EPG5: variants seen among roughly 807,000 people sequenced by gnomAD.
The protein encoded by EPG5 is ectopic P-granules 5 autophagy tethering factor, also known as ectopic P granules protein 5 homolog.
A neutral mutation model predicts 302.7 loss-of-function variants in EPG5; 159 were observed. The observed-to-expected ratio is 0.53, with a 90% CI of 0.46 to 0.60. EPG5 has a LOEUF of 0.60. EPG5 is among the 20% of genes least tolerant of loss of function. The pLI is 0.00. For synonymous variants in EPG5, 1,158 were observed against 1,136.8 expected, an observed-to-expected ratio of 1.02 and a Z score of -0.37; for missense variants, 2,896 against 3,092.4, an observed-to-expected ratio of 0.94 and a Z score of 1.51.
At chr18:45,934,737 A>T in intron 11 of EPG5, 72 bp downstream of exon 11, 1 of 1,498,562 alleles carries the variant, frequency 6.7e-7, no homozygotes, top group Non-Finnish European at 8.9e-7. Flanking sequence ...TTCTAAAAGT[A>T]AAAATTAAGC....
chr18:45,820,885 T>C, the EPG5 span, among the ~76,000 whole-genome samples: 1 of 152,168 alleles, frequency 6.6e-6, no homozygotes, highest in African/African-American at 2.4e-5. Flanking sequence ...AGAATTTGTT[T>C]GGGAAAGACT....
chr18:45,878,536 T>C, intron 33 of EPG5, 88 bp from the exon 34 acceptor site: 5 of 809,984 alleles, frequency 6.2e-6, no homozygotes, highest in Non-Finnish European at 1.0e-5. Flanking sequence ...CTACCTCTTA[T>C]TATCTGTAGC....
intron 31 of EPG5, among the ~76,000 whole-genome samples, chr18:45,881,951 G>A (rs939933206): frequency 5.3e-5 from 8 of 152,204 alleles, no homozygotes; most frequent in African/African-American, 1.7e-4. Flanking sequence ...CGTCTGCAGA[G>A]TAAGCCAGTC....
At chr18:45,867,908 T>C (rs1029069991) in intron 36 of EPG5, 160 bp from the exon 37 acceptor site, 1 of 699,746 alleles carries the variant, frequency 1.4e-6, no homozygotes, top group South Asian at 1.5e-5. Flanking sequence ...TTAATATTTG[T>C]AATATCTTTC....
At chr18:45,826,937 CAG>C in the EPG5 span, among the ~76,000 whole-genome samples, 1 of 152,176 alleles carries the variant, frequency 6.6e-6, no homozygotes, top group Admixed American at 6.5e-5. Flanking sequence ...TCTTTGGAGA[CAG>C]AGTCCCACTC....
intron 10 of EPG5, among the ~76,000 whole-genome samples, chr18:45,938,984 C>T (rs924646503): frequency 2.6e-5 from 4 of 152,154 alleles, no homozygotes; most frequent in Non-Finnish European, 4.4e-5. Flanking sequence ...CATCTCCTAG[C>T]GGAGGGCATA....
chr18:45,826,279 T>C, the EPG5 span, among the ~76,000 whole-genome samples: 3 of 152,044 alleles, frequency 2.0e-5, no homozygotes, highest in Non-Finnish European at 4.4e-5. Flanking sequence ...GGAATCCCAG[T>C]GGGTGAGTGG....
intron 16 of EPG5, among the ~76,000 whole-genome samples, chr18:45,920,990 C>G (rs1415336780): frequency 6.6e-6 from 1 of 152,174 alleles, no homozygotes; most frequent in Non-Finnish European, 1.5e-5. Context: ...GCCCCCAGCC[C>G]ACTTAGGCCA....
rs747155722 is a variant in EPG5, at chr18:45,908,068, A to G, written c.4219T>C (p.Tyr1407His). Residue 1407 changes from tyrosine (Y) to histidine (H), a missense_variant, in exon 24 of 44, where the codon TAT (tyrosine) becomes CAT (histidine). This residue lies in a region of EPG5 where 790 missense variants were observed against 798.0 expected (regional missense o/e 0.99). Transcript: ENST00000282041. ...TTCTCATCTTCTAGCCATAATATAT[A>G]TACATTGAAGAGCCTAAAAGATAAA... ...HKELVRLFNV[Y>H]ILWLEDENFQ... The G allele has an allele frequency of 3.3e-6, 5 of 1,533,806 alleles. No individual in the cohort carries two copies. The highest frequency in any genetic ancestry group is 1.7e-4 in the Middle Eastern group (1 of 5,794).
At chr18:45,877,398 A>G (rs918309940) in intron 34 of EPG5, among the ~76,000 whole-genome samples, 3 of 152,134 alleles carry the variant, frequency 2.0e-5, no homozygotes, top group Admixed American at 6.5e-5. Context: ...CAGCCTGAGC[A>G]ACAGAGTGAG....
At chr18:45,887,468 G>A (rs1250464447) in intron 29 of EPG5, among the ~76,000 whole-genome samples, 1 of 152,150 alleles carries the variant, frequency 6.6e-6, no homozygotes, top group Non-Finnish European at 1.5e-5. Flanking sequence ...AAACAATGAA[G>A]AGATTTAGTA....
chr18:45,868,619 T>C (rs1383544932), intron 36 of EPG5, among the ~76,000 whole-genome samples: 1 of 151,740 alleles, frequency 6.6e-6, no homozygotes, highest in East Asian at 2.0e-4. Context: ...TCTGTCCACC[T>C]CAGCCTCCCA....
chr18:45,860,459 C>A, intron 39 of EPG5, 113 bp from the exon 40 acceptor site: 1 of 1,358,014 alleles, frequency 7.4e-7, no homozygotes, highest in Non-Finnish European at 1.0e-6. Flanking sequence ...TTTTACAGTG[C>A]TAGTAGCTGA....
At chr18:45,884,900 G>A in intron 29 of EPG5, 89 bp from the exon 30 acceptor site, 5 of 872,004 alleles carry the variant, frequency 5.7e-6, no homozygotes, top group South Asian at 4.2e-5. Context: ...CACCAAATAA[G>A]GTGAATAGAA....
At chr18:45,943,367 C>A in intron 8 of EPG5, 56 bp from the exon 9 acceptor site, 1 of 1,446,110 alleles carries the variant, frequency 6.9e-7, no homozygotes, top group Non-Finnish European at 9.7e-7. Flanking sequence ...AAAACATGAA[C>A]GGATACATCT....
chr18:45,856,417 T>C (rs970081750), intron 42 of EPG5, among the ~76,000 whole-genome samples: 3 of 152,254 alleles, frequency 2.0e-5, no homozygotes, highest in Admixed American at 1.3e-4. Context: ...AGGTGACTAC[T>C]TAATGAGTGT....
rs78267813 is a variant in EPG5, at chr18:45,914,765, C to T, written c.3693+746G>A. On this transcript the variant is annotated intron_variant, in intron 20 of 43. Transcript: ENST00000282041. ...GTGCTGCTGGGCAGTCTCTGCAGTC[C>T]GGCTGGCTGCGGTATGATCAAGAGC... Among the ~76,000 whole-genome samples, 1,208 of 152,228 alleles carry T rather than the reference C, an allele frequency of 7.9e-3. 57 individuals carry two copies. Among genetic ancestry groups the T allele is most frequent in the Admixed American group, 0.069 (1,053 of 15,300 alleles).
intron 9 of EPG5, among the ~76,000 whole-genome samples, chr18:45,941,829 G>A (rs1233690761): frequency 5.9e-5 from 9 of 152,124 alleles, no homozygotes. Flanking sequence ...AGGTAGATGG[G>A]CTTTTAGCTT....
At chr18:45,883,012 CAAAAA>C (rs35030980) in intron 30 of EPG5, among the ~76,000 whole-genome samples, 1 of 87,454 alleles carries the variant, frequency 1.1e-5, no homozygotes, top group Non-Finnish European at 2.7e-5. Flanking sequence ...CGTCTCACAA[CAAAAA>C]AAAAAAAAAA....
Sources: allele counts gnomAD v4.1 joint callset (sites outside exome capture counted in the v4.1 genomes callset), GRCh38; gene constraint gnomAD v4.1.1; regional missense constraint gnomAD v4.1.1; transcripts MANE v1.5; gene names NCBI Gene and HGNC (gene_info 2026-07-23, HGNC 2026-07-21).